Variants in LRCH3 observed in about 807,000 individuals in gnomAD.
LRCH3 encodes leucine rich repeats and calponin homology domain containing 3.
LRCH3 carries 68 observed loss-of-function variants against 104.5 expected under a neutral mutation model. That is an observed-to-expected ratio of 0.65 (90% confidence interval 0.54 to 0.80). LRCH3 has a LOEUF of 0.80. LRCH3 is among the 30% of genes least tolerant of loss of function. LRCH3 has a pLI of 0.00. For missense variants in LRCH3, 951 were observed against 953.9 expected (o/e 1.00, Z 0.04); for synonymous variants, 344 against 361.3 (o/e 0.95, Z 0.54).
intron 19 of LRCH3, 120 bp downstream of exon 19, chr3:197,871,582 C>T (rs1712200450): frequency 1.5e-6 from 2 of 1,346,768 alleles, no homozygotes; most frequent in Non-Finnish European, 2.0e-6. Context: ...AGTCCAGTCT[C>T]TACCTTCCTG....
intron 1 of LRCH3, among the ~76,000 whole-genome samples, chr3:197,794,821 A>G (rs1011926806): frequency 2.0e-5 from 3 of 152,266 alleles, no homozygotes; most frequent in Middle Eastern, 6.8e-3. Flanking sequence ...CTTGGCTAAC[A>G]TGGTGAAACC....
intron 19 of LRCH3, among the ~76,000 whole-genome samples, chr3:197,873,125 G>A (rs1712430208): frequency 6.6e-6 from 1 of 152,144 alleles, no homozygotes; most frequent in Non-Finnish European, 1.5e-5. Flanking sequence ...CAAAAGAACA[G>A]GCTTTGGGTT....
chr3:197,886,268 C>T lies in LRCH3; in HGVS notation c.*2602C>T, dbSNP rs1010142405. On this transcript the variant is annotated 3_prime_UTR_variant, in exon 21 of 21. Coordinates refer to ENST00000425562, the MANE Select transcript of LRCH3 (RefSeq NM_001365715.1). ...GCTGGGGTGGGAGGATCACTTGAGC[C>T]TGGGAGGTTGAGGCTACAGTGAGCC... 6.6e-6 allele frequency: 1 copy of T among 152,138 alleles called. No homozygotes were observed. The highest frequency in any genetic ancestry group is 2.4e-5 in the African/African-American group (1 of 41,388). The allele number at this position is 152,138 out of a possible 1,614,324, so 9.4% of individuals were successfully genotyped here.
At position 197,835,731 on chromosome 3, in the gene LRCH3, A is replaced by T. The variant is rs1736698332; in HGVS notation, c.1160A>T (p.Glu387Val). ...GACAGCTGCACCGCAGAGGAAGAGGAGGCCGAGGTGAGACAGCCCAAGGGA... is the reference window on the plus strand; with the variant it reads ...GACAGCTGCACCGCAGAGGAAGAGGTGGCCGAGGTGAGACAGCCCAAGGGA... ...YIDSCTAEEEEAEVRQPKGPD... is the reference protein window; with the variant it reads ...YIDSCTAEEEVAEVRQPKGPD... The change falls in exon 9 of 21, where the codon GAG becomes GTG. Residue 387 changes from glutamate to valine, a missense_variant. Coordinates refer to ENST00000425562, the MANE Select transcript of LRCH3 (RefSeq NM_001365715.1). The T allele has an allele frequency of 1.9e-6, 3 of 1,614,052 alleles. No homozygotes were observed. Among genetic ancestry groups the T allele is most frequent in the Non-Finnish European group, 2.5e-6 (3 of 1,180,020 alleles).
chr3:197,855,974 G>A (rs1289464274), intron 14 of LRCH3, among the ~76,000 whole-genome samples: 5 of 152,206 alleles, frequency 3.3e-5, no homozygotes, highest in African/African-American at 7.2e-5. Flanking sequence ...AAGTCCGAAC[G>A]TGGCCTCGAA....
chr3:197,846,146 T>G (rs1434174658), intron 10 of LRCH3, among the ~76,000 whole-genome samples: 2 of 152,062 alleles, frequency 1.3e-5, no homozygotes, highest in African/African-American at 4.8e-5. Flanking sequence ...CCCACACCCG[T>G]AATCCCAGCA....
Position 197,871,274 on chromosome 3 carries a change from A to C in LRCH3, c.1993-51A>C, listed in dbSNP as rs779059516. ...TTTCATTATAACTCCCTTATGTCCT[A>C]TATGTCAGTCTTTCTTCAATTAATC... On this transcript the variant is annotated intron_variant, in intron 18 of 20. Transcript: ENST00000425562. 75 of 1,361,830 alleles carry C rather than the reference A, an allele frequency of 5.5e-5. No homozygotes were observed. The East Asian group carries it at 1.5e-3, about 28-fold the overall frequency. The allele number at this position is 1,361,830 out of a possible 1,614,324, so 84.4% of individuals were successfully genotyped here.
At chr3:197,808,471 A>G (rs1732748372) in intron 1 of LRCH3, among the ~76,000 whole-genome samples, 1 of 152,122 alleles carries the variant, frequency 6.6e-6, no homozygotes, top group Non-Finnish European at 1.5e-5. Flanking sequence ...GAGAACTTCC[A>G]TTACTCATTC....
intron 8 of LRCH3, among the ~76,000 whole-genome samples, chr3:197,833,587 A>G (rs1736269351): frequency 6.6e-6 from 1 of 152,142 alleles, no homozygotes; most frequent in African/African-American, 2.4e-5. Context: ...TATTGTAAGT[A>G]TAAAATACAC....
rs1379212547 is a variant in LRCH3 at position 197,810,923 on chromosome 3, G to T, written c.263-3985G>T. ...AAAAGCATTAGAAAAACTATGTTTT[G>T]TGATCTCCCTGGGTTACATAATTAA... On this transcript the variant is annotated intron_variant, in intron 1 of 20. Transcript: ENST00000425562. This position sits in a 1 kb window ranked among gnomAD's most constrained non-coding sequence, Gnocchi z 4.0. 6.6e-6 allele frequency among the ~76,000 whole-genome samples: 1 copy of T among 152,122 alleles called. No homozygotes were observed. Among genetic ancestry groups the T allele is most frequent in the Non-Finnish European group, 1.5e-5 (1 of 68,030 alleles).
Position 197,883,376 on chromosome 3 carries a change from A to C in LRCH3, c.2209-165A>C. The C allele has an allele frequency of 2.1e-6, 3 of 1,396,910 alleles. No homozygotes were observed. The highest frequency in any genetic ancestry group is 2.8e-6 in the Non-Finnish European group (3 of 1,074,732). The allele number at this position is 1,396,910 out of a possible 1,614,324, so 86.5% of individuals were successfully genotyped here. A position where few individuals can be genotyped will look rare whatever the true frequency, so the allele number is the denominator to read the frequency against. On this transcript the variant is annotated intron_variant, in intron 20 of 20. Transcript: ENST00000425562. The surrounding 1 kb of genome is among the most constrained non-coding windows in gnomAD (Gnocchi z 4.2). Reference sequence around the variant, plus strand: ...AAAGTGACAGTGAGTGTCAGACACCATCTCTCTAACTCATATTTACACTGA... The same window carrying C: ...AAAGTGACAGTGAGTGTCAGACACCCTCTCTCTAACTCATATTTACACTGA...
At chr3:197,811,706 T>C (rs1357895237) in intron 1 of LRCH3, among the ~76,000 whole-genome samples, 2 of 152,210 alleles carry the variant, frequency 1.3e-5, no homozygotes, top group Non-Finnish European at 2.9e-5. Flanking sequence ...CCTAATGTCA[T>C]AATTACATAG....
At chr3:197,882,388 CATTTT>C in intron 20 of LRCH3, 3 of 980,822 alleles carry the variant, frequency 3.1e-6, no homozygotes, top group Non-Finnish European at 3.6e-6. Context: ...ACAGTTACCT[CATTTT>C]ATCAAAATAA....
chr3:197,794,920 G>T (rs1049273075), intron 1 of LRCH3, among the ~76,000 whole-genome samples: 1 of 151,934 alleles, frequency 6.6e-6, no homozygotes, highest in African/African-American at 2.4e-5. Flanking sequence ...CACGAGACTC[G>T]CTTGAACCCA....
intron 1 of LRCH3, among the ~76,000 whole-genome samples, chr3:197,809,077 C>T (rs1441627956): frequency 6.6e-6 from 1 of 151,840 alleles, no homozygotes; most frequent in Admixed American, 6.6e-5. Context: ...GCAGGAGGAT[C>T]ACTTGAGGTC....
intron 10 of LRCH3, among the ~76,000 whole-genome samples, chr3:197,841,190 T>C (rs370892190): frequency 1.3e-5 from 2 of 152,322 alleles, no homozygotes; most frequent in South Asian, 4.2e-4. Context: ...TGGATTCTCA[T>C]GTGGAGACTG....
chr3:197,800,096 G>A (rs1315203900), intron 1 of LRCH3, among the ~76,000 whole-genome samples: 1 of 152,020 alleles, frequency 6.6e-6, no homozygotes, highest in African/African-American at 2.4e-5. Flanking sequence ...GGCTGAGGCA[G>A]GAGAATTGCT....
intron 19 of LRCH3, among the ~76,000 whole-genome samples, chr3:197,874,095 G>A (rs1712574194): frequency 6.6e-6 from 1 of 151,928 alleles, no homozygotes; most frequent in African/African-American, 2.4e-5. Context: ...GATGAACTAT[G>A]GGTAATTAAT....
intron 1 of LRCH3, among the ~76,000 whole-genome samples, chr3:197,798,510 T>C (rs1731523567): frequency 6.6e-6 from 1 of 152,180 alleles, no homozygotes; most frequent in Non-Finnish European, 1.5e-5. Flanking sequence ...AAGGAAACAT[T>C]GACATGTGGC....
Sources: allele counts gnomAD v4.1 joint callset (sites outside exome capture counted in the v4.1 genomes callset), GRCh38; gene constraint gnomAD v4.1.1; non-coding constraint Gnocchi (gnomAD v3.1); transcripts MANE v1.5; gene names NCBI Gene and HGNC (gene_info 2026-07-23, HGNC 2026-07-21).